Variants in PLCH2 observed in about 807,000 individuals in gnomAD.
PLCH2 encodes the protein 1-phosphatidylinositol 4,5-bisphosphate phosphodiesterase eta-2.
In PLCH2, 98 loss-of-function variants were observed where a neutral mutation model predicts 134.7. The observed-to-expected ratio is 0.73, with a 90% CI of 0.62 to 0.86. The LOEUF is 0.86. PLCH2 is among the 40% of genes least tolerant of loss of function. PLCH2 has a pLI of 0.00. For missense variants in PLCH2, 1,994 were observed against 1,986.6 expected (o/e 1.00, Z -0.07); for synonymous variants, 974 against 827.5 (o/e 1.18, Z -3.04).
Position 2,437,171 on chromosome 1 carries a change from C to T in PLCH2, c.115+6542C>T, listed in dbSNP as rs983104829. The stretch of plus-strand genomic sequence containing the variant: ...GAGCAGCAAGGCCACAGCAGGTCCC[C>T]GGGTCATGGAGGGCTTGGCTGGGAG... On this transcript the variant is annotated intron_variant, in intron 2 of 3. Coordinates refer to the PLCH2 transcript ENST00000609981. Among the ~76,000 whole-genome samples the T allele has an allele frequency of 5.3e-5, 8 of 152,288 alleles. No individual in the cohort carries two copies. The South Asian group carries it at 6.2e-4, about 12-fold the overall frequency.
chr1:2,461,203 C>T (rs1640786447), intron 2 of PLCH2, among the ~76,000 whole-genome samples: 1 of 152,212 alleles, frequency 6.6e-6, no homozygotes, highest in African/African-American at 2.4e-5. Flanking sequence ...CATGCGGGCA[C>T]AGAATGTAGG....
chr1:2,433,418 C>G (rs890304149), intron 2 of PLCH2, among the ~76,000 whole-genome samples: 1 of 152,192 alleles, frequency 6.6e-6, no homozygotes, highest in Non-Finnish European at 1.5e-5. Context: ...GTGCTCCTGT[C>G]CCCTGGAGTA....
At chr1:2,496,274 G>A (rs935522126) in intron 13 of PLCH2, among the ~76,000 whole-genome samples, 9 of 152,134 alleles carry the variant, frequency 5.9e-5, no homozygotes, top group Non-Finnish European at 8.8e-5. Flanking sequence ...TCCACATAGC[G>A]ATTCTAGGCC....
chr1:2,463,174 G>A (rs1640904471), upstream of PLCH2, among the ~76,000 whole-genome samples: 1 of 152,164 alleles, frequency 6.6e-6, no homozygotes, highest in Non-Finnish European at 1.5e-5. Context: ...CCTCCAGGGG[G>A]CTGCAGGGCC....
intron 2 of PLCH2, among the ~76,000 whole-genome samples, chr1:2,451,020 G>C (rs1034474340): frequency 4.6e-5 from 7 of 151,992 alleles, no homozygotes; most frequent in Non-Finnish European, 7.4e-5. Context: ...CGGCTCCCAG[G>C]ACACAGCCCT....
rs927891892 is a variant in PLCH2, at chr1:2,484,381, T to C, written c.646-67T>C. The C allele has an allele frequency of 1.4e-5, 21 of 1,529,216 alleles. No homozygotes were observed. In the African/African-American group the frequency reaches 2.1e-4, roughly 15 times the overall value. The allele number at this position is 1,529,216 out of a possible 1,614,324, so 94.7% of individuals were successfully genotyped here. A position where few individuals can be genotyped will look rare whatever the true frequency, so the allele number is the denominator to read the frequency against. On this transcript the variant is annotated intron_variant, in intron 4 of 21. Coordinates refer to ENST00000378486, the MANE Select transcript of PLCH2 (RefSeq NM_014638.4). ...TCTTGACTGGGGAGTGGGGTGGTCC[T>C]GAAGGACCCCTGTGCATGCAGGCCC... is the stretch of plus-strand genomic sequence containing the variant.
upstream of PLCH2, among the ~76,000 whole-genome samples, chr1:2,476,105 G>A (rs561285237): frequency 7.9e-5 from 12 of 152,206 alleles, no homozygotes; most frequent in African/African-American, 1.7e-4. Flanking sequence ...GGGCCCTCCC[G>A]TTGGTCCTGC....
intron 2 of PLCH2, among the ~76,000 whole-genome samples, chr1:2,432,030 TG>T (rs984286518): frequency 3.5e-4 from 54 of 152,174 alleles, no homozygotes; most frequent in Non-Finnish European, 5.9e-4. Context: ...CGGCTCTGCC[TG>T]TTGGGTTTCG....
At chr1:2,473,273 C>G (rs1209181360), upstream of PLCH2, among the ~76,000 whole-genome samples, 3 of 152,198 alleles carry the variant, frequency 2.0e-5, no homozygotes, top group Admixed American at 6.5e-5. Flanking sequence ...GCCCAGGACC[C>G]CTGCTTCCCA....
Position 2,489,796 on chromosome 1 carries a change from G to T in PLCH2, c.1444G>T (p.Glu482Ter). 6.2e-7 allele frequency: 1 copy of T among 1,613,760 alleles called. No individual in the cohort carries two copies. Among genetic ancestry groups the T allele is most frequent in the Non-Finnish European group, 8.5e-7 (1 of 1,179,826 alleles). The change falls in exon 10 of 22, where the codon GAG becomes TAG. Residue 482 changes from glutamate (E) to a stop codon, truncating the protein, a stop_gained. Transcript: ENST00000378486. LOFTEE classifies it high-confidence loss of function. ...KLPANISEDA[E>*]EGEVSDEDSA... Reference sequence around the variant, plus strand: ...CCCAGCCAACATCAGCGAGGATGCGGAGGAAGGCGAGGTGTCTGATGAGGA... The same window carrying T: ...CCCAGCCAACATCAGCGAGGATGCGTAGGAAGGCGAGGTGTCTGATGAGGA...
At position 2,482,680 on chromosome 1, in the gene PLCH2, T is replaced by C. The variant is rs1105053; in HGVS notation, c.646-1768T>C. On this transcript the variant is annotated intron_variant, in intron 4 of 21. Coordinates refer to ENST00000378486, the MANE Select transcript of PLCH2 (RefSeq NM_014638.4). ...AAAGGGGCTGATGGGGCCACCTGACTGGTGACTCCCCTGGCTCAGAGGGGA... is the reference window on the plus strand; with the variant it reads ...AAAGGGGCTGATGGGGCCACCTGACCGGTGACTCCCCTGGCTCAGAGGGGA... Among the ~76,000 whole-genome samples, 1,277 of 152,228 alleles carry C rather than the reference T, an allele frequency of 8.4e-3. 12 individuals carry two copies. The highest frequency in any genetic ancestry group is 0.029 in the African/African-American group (1,214 of 41,550).
chr1:2,489,874 C>G lies in PLCH2; in HGVS notation c.1515+7C>G. 1 of 1,599,650 alleles carries G rather than the reference C, an allele frequency of 6.3e-7. No homozygotes were observed. The highest frequency in any genetic ancestry group is 8.6e-7 in the Non-Finnish European group (1 of 1,167,058). ...CAAGCTCCTCAATGGGGATGTGAGT[C>G]GGGCTGGAGGTGGAGGGGGGCGCGT... On this transcript the variant is annotated splice_region_variant and intron_variant, in intron 10 of 21. Coordinates refer to ENST00000378486, the MANE Select transcript of PLCH2 (RefSeq NM_014638.4).
At chr1:2,456,314 C>T (rs913045216) in intron 2 of PLCH2, among the ~76,000 whole-genome samples, 5 of 152,238 alleles carry the variant, frequency 3.3e-5, no homozygotes, top group African/African-American at 1.2e-4. Context: ...TCCTACCTGA[C>T]CTCATGGCCG....
At chr1:2,499,799 C>T in intron 20 of PLCH2, 79 bp downstream of exon 20, 1 of 1,146,046 alleles carries the variant, frequency 8.7e-7, no homozygotes, top group Non-Finnish European at 1.3e-6. Context: ...CCATGTGTCC[C>T]CAGTGCTGGG....
At chr1:2,440,744 C>T (rs1193095756) in intron 2 of PLCH2, among the ~76,000 whole-genome samples, 1 of 152,270 alleles carries the variant, frequency 6.6e-6, no homozygotes, top group Non-Finnish European at 1.5e-5. Context: ...TCTTGAGCCT[C>T]TGGCTCAGGA....
intron 2 of PLCH2, among the ~76,000 whole-genome samples, chr1:2,454,356 A>T (rs1233906972): frequency 6.6e-6 from 1 of 152,022 alleles, no homozygotes; most frequent in African/African-American, 2.4e-5. Context: ...CCTCTGCAGG[A>T]CCCTTGGAAG....
At position 2,478,562 on chromosome 1, in the gene PLCH2, C is replaced by A; in HGVS notation, c.211C>A (p.Leu71Met). The A allele has an allele frequency of 1.2e-6, 2 of 1,612,704 alleles. No individual in the cohort carries two copies. Among genetic ancestry groups the A allele is most frequent in the South Asian group, 2.2e-5 (2 of 91,060 alleles). The change falls in exon 2 of 22, where the codon CTG becomes ATG. Residue 71 changes from leucine (L) to methionine (M), a missense_variant. Physicochemically the swap from Leu to Met is conservative, Grantham distance 15. Coordinates refer to ENST00000378486, the MANE Select transcript of PLCH2 (RefSeq NM_014638.4). The stretch of plus-strand genomic sequence containing the variant: ...CAAGGGCCTGGTCCGCTTCTACTAC[C>A]TGGACGAGCACCGCTCCTGCATCCG... ...GSKGLVRFYY[L>M]DEHRSCIRWR...
chr1:2,467,809 C>G, intron 1 of PLCH2: 1 of 398,196 alleles, frequency 2.5e-6, no homozygotes, highest in Non-Finnish European at 4.4e-6. Context: ...AGAGCTCCTC[C>G]CAGCAGGGTC....
chr1:2,437,699 C>T (rs541517042), intron 2 of PLCH2, among the ~76,000 whole-genome samples: 11 of 152,338 alleles, frequency 7.2e-5, no homozygotes, highest in South Asian at 2.1e-4. Flanking sequence ...CACGCACACA[C>T]GAAGGCACAC....
Sources: gnomAD v4.1 joint callset for allele counts (sites outside exome capture counted in the v4.1 genomes callset) on GRCh38, gnomAD v4.1.1 for gene constraint, MANE v1.5 for transcripts, NCBI Gene and HGNC (gene_info 2026-07-23, HGNC 2026-07-21) for gene names.